The following DISC1 variants were observed in gnomAD, a reference collection of about 807,000 sequenced individuals.
DISC1 encodes disrupted in schizophrenia 1 protein.
In DISC1, 57 loss-of-function variants were observed where a neutral mutation model predicts 84.5. The ratio of observed to expected loss-of-function variants is 0.67; its 90% CI spans 0.55 to 0.84. The LOEUF (loss-of-function observed/expected upper bound fraction) is 0.84. Ranked by LOEUF, DISC1 falls within the 40% of genes least tolerant of loss-of-function variation. The probability of loss-of-function intolerance (pLI) is 0.00; values close to 1 mark genes in which losing one functional copy is unlikely to be tolerated. For missense variants in DISC1, 1,000 were observed against 1,057.8 expected, an observed-to-expected ratio of 0.95 and a Z score of 0.76; for synonymous variants, 411 against 415.2, an observed-to-expected ratio of 0.99 and a Z score of 0.12.
intron 9 of DISC1, among the ~76,000 whole-genome samples, chr1:231,886,787 C>A (rs2086759521): frequency 7.3e-6 from 1 of 136,952 alleles, no homozygotes; most frequent in Non-Finnish European, 1.6e-5. Context: ...TTCTTTCTTT[C>A]TTTCTTTCTT....
intron 3 of DISC1, among the ~76,000 whole-genome samples, chr1:231,743,124 G>C (rs2073525412): frequency 6.6e-6 from 1 of 152,224 alleles, no homozygotes; most frequent in Admixed American, 6.5e-5. Flanking sequence ...GATGGGTATA[G>C]TTTAGAATAT....
At chr1:231,649,992 C>T (rs2060481456) in intron 1 of DISC1, among the ~76,000 whole-genome samples, 1 of 152,194 alleles carries the variant, frequency 6.6e-6, no homozygotes, top group South Asian at 2.1e-4. Context: ...ATACAGCACA[C>T]TGATGGGTCT....
At chr1:231,688,838 T>C (rs2064637250) in intron 1 of DISC1, among the ~76,000 whole-genome samples, 1 of 152,200 alleles carries the variant, frequency 6.6e-6, no homozygotes, top group Non-Finnish European at 1.5e-5. Flanking sequence ...CATGATTAAA[T>C]TGGAAATAGA....
At chr1:231,855,385 C>G (rs12123082) in intron 9 of DISC1, 183,162 of 982,222 alleles carry the variant, frequency 0.19, 17,641 homozygotes, top group Middle Eastern at 0.28. Context: ...CATAAATGAG[C>G]TCAAGTTATT....
At chr1:231,811,396 G>A (rs145795532) in intron 8 of DISC1, among the ~76,000 whole-genome samples, 1 of 152,332 alleles carries the variant, frequency 6.6e-6, no homozygotes, top group East Asian at 1.9e-4. Flanking sequence ...AAAGACAAAG[G>A]TAGATCTTGA....
chr1:231,709,602 C>T (rs1229649417), intron 3 of DISC1, among the ~76,000 whole-genome samples: 1 of 152,012 alleles, frequency 6.6e-6, no homozygotes, highest in Non-Finnish European at 1.5e-5. Context: ...TGTCATGGTG[C>T]ATTATTCATG....
intron 9 of DISC1, among the ~76,000 whole-genome samples, chr1:231,941,742 A>AT (rs2091355734): frequency 6.6e-6 from 1 of 152,184 alleles, no homozygotes; most frequent in African/African-American, 2.4e-5. Flanking sequence ...AAGTGCTGGG[A>AT]TTACAGGCGT....
chr1:231,996,374 T>C (rs1480344690), intron 10 of DISC1, among the ~76,000 whole-genome samples: 3 of 152,216 alleles, frequency 2.0e-5, no homozygotes, highest in Non-Finnish European at 4.4e-5. Context: ...TTTTGTCTTT[T>C]GTTGCCATTG....
intron 10 of DISC1, among the ~76,000 whole-genome samples, chr1:231,995,803 G>C (rs1459955143): frequency 2.0e-5 from 3 of 151,070 alleles, no homozygotes; most frequent in Non-Finnish European, 4.4e-5. Context: ...ATAAACATAC[G>C]TGTGCATGTG....
chr1:231,714,726 T>C (rs1316051515), intron 3 of DISC1, among the ~76,000 whole-genome samples: 1 of 148,314 alleles, frequency 6.7e-6, no homozygotes, highest in African/African-American at 2.5e-5. Flanking sequence ...GAGAAAGATA[T>C]AGGGAGAGAG....
In DISC1 at chr1:232,009,427, T is replaced by C. The variant is rs961308831; in HGVS notation, c.2307+378T>C. The C allele has an allele frequency of 6.6e-6, 4 of 607,928 alleles. No homozygotes were observed. The highest frequency in any genetic ancestry group is 6.5e-5 in the African/African-American group (3 of 46,480). The allele number at this position is 607,928 out of a possible 1,614,324, so 37.7% of individuals were successfully genotyped here. On this transcript the variant is annotated intron_variant, in intron 11 of 12. Transcript: ENST00000439617. This position sits in a 1 kb window ranked among gnomAD's most constrained non-coding sequence, Gnocchi z 4.6. ...TACATGATATTTAACATATATACTA[T>C]ACATTATGTATTGTATGTCATATAT...
intron 9 of DISC1, among the ~76,000 whole-genome samples, chr1:231,957,808 AG>A (rs1659777642): frequency 6.6e-6 from 1 of 152,182 alleles, no homozygotes; most frequent in South Asian, 2.1e-4. Context: ...TACTTTTTCC[AG>A]TTCCACAGTC....
intron 3 of DISC1, chr1:231,720,710 G>A: frequency 1.8e-6 from 1 of 571,238 alleles, no homozygotes; most frequent in African/African-American, 2.0e-5. Flanking sequence ...TCTACCACTG[G>A]GTGATTTTTT....
chr1:232,007,550 A>T (rs1667614860), intron 10 of DISC1, among the ~76,000 whole-genome samples: 1 of 152,142 alleles, frequency 6.6e-6, no homozygotes, highest in African/African-American at 2.4e-5. Flanking sequence ...CCCATTTGGG[A>T]TGGAGCATTT....
chr1:231,801,855 G>A (rs2079292277), intron 8 of DISC1, among the ~76,000 whole-genome samples: 1 of 149,578 alleles, frequency 6.7e-6, no homozygotes, highest in Non-Finnish European at 1.5e-5. Flanking sequence ...GTCTCGTTCA[G>A]TCGCCCAGGC....
At chr1:232,025,526 G>A (rs1016177312) in intron 11 of DISC1, among the ~76,000 whole-genome samples, 2 of 151,910 alleles carry the variant, frequency 1.3e-5, no homozygotes, top group Admixed American at 6.5e-5. Flanking sequence ...TCAATACTAC[G>A]TGCCTGTCAT....
chr1:231,722,501 T>C, intron 3 of DISC1: 1 of 1,613,928 alleles, frequency 6.2e-7, no homozygotes, highest in Non-Finnish European at 8.5e-7. Context: ...TTATTCTGTG[T>C]CCATTCCACT....
intron 4 of DISC1, among the ~76,000 whole-genome samples, chr1:231,754,846 C>G (rs147351438): frequency 4.6e-5 from 7 of 152,108 alleles, no homozygotes; most frequent in African/African-American, 1.7e-4. Context: ...TTTATCAAGC[C>G]AATATTAACT....
At chr1:231,823,949 A>C (rs927890392) in intron 9 of DISC1, among the ~76,000 whole-genome samples, 7 of 152,106 alleles carry the variant, frequency 4.6e-5, no homozygotes, top group Non-Finnish European at 8.8e-5. Context: ...AGAGTCCTCA[A>C]ATTTTAAGAA....
Sources: gnomAD v4.1 joint callset for allele counts (sites outside exome capture counted in the v4.1 genomes callset) on GRCh38, gnomAD v4.1.1 for gene constraint, Gnocchi (gnomAD v3.1) non-coding constraint, MANE v1.5 for transcripts, NCBI Gene and HGNC (gene_info 2026-07-23, HGNC 2026-07-21) for gene names.